The following FRRS1L variants were observed in gnomAD, a reference collection of about 807,000 sequenced individuals.
FRRS1L encodes the protein DOMON domain-containing protein FRRS1L.
FRRS1L carries 22 observed loss-of-function variants against 28.6 expected under a neutral mutation model. The ratio of observed to expected loss-of-function variants is 0.77; its 90% CI spans 0.55 to 1.10. The LOEUF is 1.10. Among genes scored for constraint, FRRS1L ranks in the 50% least tolerant of loss-of-function variants. FRRS1L has a pLI of 0.00. For missense variants in FRRS1L, 380 were observed against 386.9 expected (o/e 0.98, Z 0.15); for synonymous variants, 158 against 151.4 (o/e 1.04, Z -0.32).
chr9:109,154,150 C>G (rs934434335), intron 1 of FRRS1L, among the ~76,000 whole-genome samples: 2 of 152,242 alleles, frequency 1.3e-5, no homozygotes, highest in African/African-American at 4.8e-5. Flanking sequence ...TCAGCAGCAG[C>G]TGAGCACAGC....
chr9:109,149,992 C>CTTTTTTTTTTTTTTTTGAGACGG (rs1410499429), intron 1 of FRRS1L: 5 of 349,994 alleles, frequency 1.4e-5, no homozygotes, highest in Non-Finnish European at 2.1e-5. Context: ...GGCACAATTT[C>CTTTTTTTTTTTTTTTTGAGACGG]ATATAACCAC....
At chr9:109,138,269 C>T (rs150728335) in intron 4 of FRRS1L, 1 of 152,294 alleles carries the variant, frequency 6.6e-6, no homozygotes, top group African/African-American at 2.4e-5. Flanking sequence ...ATTAAAGTAC[C>T]AAACTAGTCT....
chr9:109,147,489 C>A (rs1588099544), intron 2 of FRRS1L: 1 of 291,962 alleles, frequency 3.4e-6, no homozygotes. Flanking sequence ...AGCCAGTGTT[C>A]TCTACATTAT....
At chr9:109,145,182 G>C (rs995000993) in intron 3 of FRRS1L, among the ~76,000 whole-genome samples, 2 of 152,136 alleles carry the variant, frequency 1.3e-5, no homozygotes, top group Non-Finnish European at 2.9e-5. Flanking sequence ...AAAAGAATGG[G>C]GCTCCAGAGG....
chr9:109,160,959 A>AT (rs1171789257), intron 1 of FRRS1L, among the ~76,000 whole-genome samples: 2 of 151,674 alleles, frequency 1.3e-5, no homozygotes, highest in African/African-American at 2.4e-5. Flanking sequence ...TGCCCGGCTA[A>AT]TTTTTGTATT....
intron 1 of FRRS1L, among the ~76,000 whole-genome samples, chr9:109,164,755 A>G (rs1268552826): frequency 6.6e-6 from 1 of 152,172 alleles, no homozygotes; most frequent in Non-Finnish European, 1.5e-5. Context: ...GGAGGGTTAA[A>G]CCAGTTTTAT....
At chr9:109,144,786 C>G (rs1465108373) in intron 3 of FRRS1L, among the ~76,000 whole-genome samples, 1 of 151,978 alleles carries the variant, frequency 6.6e-6, no homozygotes, top group African/African-American at 2.4e-5. Flanking sequence ...TGGGTTCAAG[C>G]GATTCTCCCG....
chr9:109,142,745 T>C (rs1831202715), intron 3 of FRRS1L, among the ~76,000 whole-genome samples: 1 of 152,024 alleles, frequency 6.6e-6, no homozygotes, highest in South Asian at 2.1e-4. Flanking sequence ...AGGTTGAGGC[T>C]GCAGTGAGTC....
At chr9:109,146,902 G>A (rs1588099239) in intron 3 of FRRS1L, 149 bp downstream of exon 3, 2 of 709,430 alleles carry the variant, frequency 2.8e-6, no homozygotes, top group Non-Finnish European at 4.7e-6. Flanking sequence ...TTTCATTTAA[G>A]CTAGCCTGAA....
At chr9:109,165,275 A>G (rs1183008400) in intron 1 of FRRS1L, among the ~76,000 whole-genome samples, 1 of 152,224 alleles carries the variant, frequency 6.6e-6, no homozygotes, top group Non-Finnish European at 1.5e-5. Flanking sequence ...TTGCCAAAGG[A>G]ATGTGAACAG....
intron 4 of FRRS1L, 57 bp from the exon 5 acceptor site, chr9:109,137,684 G>T: frequency 2.7e-6 from 3 of 1,117,596 alleles, no homozygotes; most frequent in Non-Finnish European, 3.7e-6. Context: ...ATTTATAATG[G>T]TATAGGCAAA....
chr9:109,140,389 G>A (rs1481747097), intron 4 of FRRS1L: 3 of 152,274 alleles, frequency 2.0e-5, no homozygotes, highest in African/African-American at 7.2e-5. Context: ...GGGAGGTGGA[G>A]GCTGCAGTGA....
At chr9:109,150,276 G>A (rs1320133566) in intron 1 of FRRS1L, 1 of 152,272 alleles carries the variant, frequency 6.6e-6, no homozygotes, top group African/African-American at 2.4e-5. Flanking sequence ...GGAGTGCAGT[G>A]GTGCCATCCT....
intron 1 of FRRS1L, among the ~76,000 whole-genome samples, chr9:109,165,373 C>A (rs1318865166): frequency 6.6e-6 from 1 of 152,200 alleles, no homozygotes; most frequent in African/African-American, 2.4e-5. Context: ...GGACATGCAA[C>A]CTGGCTTCTA....
chr9:109,157,169 C>A lies in FRRS1L; in HGVS notation c.239-7449G>T, dbSNP rs191569261. ...TATTTACAGACATAGGTGATTTTTT[C>A]CCCTAAACTTTTGTTAATTTCAAAT... On this transcript the variant is annotated intron_variant, in intron 1 of 4. Coordinates refer to ENST00000561981, the MANE Select transcript of FRRS1L (RefSeq NM_014334.4). Among the ~76,000 whole-genome samples, 24 of 152,048 alleles carry A rather than the reference C, an allele frequency of 1.6e-4. No individual in the cohort carries two copies. In the East Asian group the frequency reaches 4.4e-3, roughly 28 times the overall value.
At position 109,137,542 on chromosome 9, in the gene FRRS1L, T is replaced by C. The variant is rs774372717; in HGVS notation, c.795A>G (p.Pro265=). Residue 265 remains proline, a synonymous_variant, in exon 5 of 5, where the codon CCA becomes CCG. Coordinates refer to ENST00000561981, the MANE Select transcript of FRRS1L (RefSeq NM_014334.4). Reference sequence around the variant, plus strand: ...ATGAGAAGGTTTGATAGGCAGCTGATGGCATAAAAATGTCTTCATACTTGT... The same window carrying C: ...ATGAGAAGGTTTGATAGGCAGCTGACGGCATAAAAATGTCTTCATACTTGT... The part of the protein sequence containing the change: ...SIYKYEDIFM[P]SAAYQTFSSP... 2 of 1,613,286 alleles carry C rather than the reference T, an allele frequency of 1.2e-6. No homozygotes were observed. The highest frequency in any genetic ancestry group is 2.2e-5 in the East Asian group (1 of 44,880).
intron 1 of FRRS1L, among the ~76,000 whole-genome samples, chr9:109,160,033 T>C (rs1458435467): frequency 4.6e-5 from 7 of 152,246 alleles, no homozygotes; most frequent in South Asian, 2.1e-4. Context: ...TTAGGCTTTG[T>C]GGATCCCCTT....
chr9:109,137,136 T>C lies in FRRS1L; in HGVS notation c.*319A>G, dbSNP rs1196124775. 1 of 170,756 alleles carries C rather than the reference T, an allele frequency of 5.9e-6. No individual in the cohort carries two copies. The highest frequency in any genetic ancestry group is 2.4e-5 in the African/African-American group (1 of 42,134). The allele number at this position is 170,756 out of a possible 1,614,324, so 10.6% of individuals were successfully genotyped here. A position where few individuals can be genotyped will look rare whatever the true frequency, so the allele number is the denominator to read the frequency against. The stretch of plus-strand genomic sequence containing the variant: ...ATGTGGATCATAAAAAGGCAGTCTT[T>C]TTGGGTCTCAAATCCCATTCAGGAA... On this transcript the variant is annotated 3_prime_UTR_variant, in exon 5 of 5. Coordinates refer to ENST00000561981, the MANE Select transcript of FRRS1L (RefSeq NM_014334.4).
At chr9:109,157,254 C>T (rs1487199340) in intron 1 of FRRS1L, among the ~76,000 whole-genome samples, 1 of 152,050 alleles carries the variant, frequency 6.6e-6, no homozygotes, top group African/African-American at 2.4e-5. Flanking sequence ...AATTTGTTGA[C>T]TTTCTTATAT....
Sources: allele counts gnomAD v4.1 joint callset (sites outside exome capture counted in the v4.1 genomes callset), GRCh38; gene constraint gnomAD v4.1.1; transcripts MANE v1.5; gene names NCBI Gene and HGNC (gene_info 2026-07-23, HGNC 2026-07-21).